FAM219A: variants seen among roughly 807,000 people sequenced by gnomAD.
FAM219A encodes protein FAM219A.
In FAM219A, 7 loss-of-function variants were observed where a neutral mutation model predicts 23.4. The observed-to-expected ratio is 0.30, with a 90% CI of 0.17 to 0.56. The LOEUF is 0.56. FAM219A is among the 20% of genes least tolerant of loss of function. The pLI is 0.92. For synonymous variants in FAM219A, 93 were observed against 99.0 expected (o/e 0.94, Z 0.36); for missense variants, 166 against 246.9 (o/e 0.67, Z 2.20).
chr9:34,416,302 G>GGAAGGAAC (rs1273044951), intron 1 of FAM219A, among the ~76,000 whole-genome samples: 1 of 116,150 alleles, frequency 8.6e-6, no homozygotes, highest in African/African-American at 2.7e-5. Flanking sequence ...AAGGAAGGAA[G>GGAAGGAAC]GAAGGAACGA....
chr9:34,434,925 T>G (rs1822847163), intron 1 of FAM219A, among the ~76,000 whole-genome samples: 2 of 152,174 alleles, frequency 1.3e-5, no homozygotes, highest in Admixed American at 6.6e-5. Flanking sequence ...GCTCAAGTGA[T>G]CCTCCTGCCT....
chr9:34,406,184 C>T, intron 1 of FAM219A: 1 of 690,930 alleles, frequency 1.4e-6, no homozygotes, highest in Non-Finnish European at 1.8e-6. Context: ...TCCATGTACA[C>T]CCAACTTGGT....
At chr9:34,444,377 T>G (rs1588071147) in intron 1 of FAM219A, among the ~76,000 whole-genome samples, 1 of 152,198 alleles carries the variant, frequency 6.6e-6, no homozygotes, top group Non-Finnish European at 1.5e-5. Flanking sequence ...CCCCAGAGAC[T>G]TTCTCCATTT....
intron 1 of FAM219A, among the ~76,000 whole-genome samples, chr9:34,453,208 GC>G (rs1285517326): frequency 6.6e-6 from 1 of 152,146 alleles, no homozygotes; most frequent in Non-Finnish European, 1.5e-5. Context: ...AACTTAAGGT[GC>G]CCAGAACATA....
intron 1 of FAM219A, among the ~76,000 whole-genome samples, chr9:34,416,713 G>C (rs995007054): frequency 6.7e-6 from 1 of 150,328 alleles, no homozygotes; most frequent in Non-Finnish European, 1.5e-5. Context: ...ACTTCAGCCT[G>C]GGCAACAAAG....
chr9:34,403,313 A>G lies in FAM219A; in HGVS notation c.161-506T>C, dbSNP rs79479910. ...TTATTCAGCCACTTATTCAACAAAT[A>G]TCCATGTCACTAATTATAAGTCTGG... On this transcript the variant is annotated intron_variant, in intron 2 of 5. Transcript: ENST00000651358. Among the ~76,000 whole-genome samples the G allele has an allele frequency of 4.1e-3, 624 of 152,356 alleles. 3 individuals carry two copies. The highest frequency in any genetic ancestry group is 0.014 in the African/African-American group (587 of 41,576).
At chr9:34,434,645 G>C (rs1476843218) in intron 1 of FAM219A, among the ~76,000 whole-genome samples, 1 of 152,184 alleles carries the variant, frequency 6.6e-6, no homozygotes, top group Non-Finnish European at 1.5e-5. Flanking sequence ...AGAAGCCAAA[G>C]AGAACCATCC....
intron 1 of FAM219A, among the ~76,000 whole-genome samples, chr9:34,412,732 G>C (rs954403059): frequency 7.9e-5 from 12 of 152,156 alleles, no homozygotes; most frequent in African/African-American, 2.4e-4. Context: ...GAGTTTCAAG[G>C]TGGAAGAAAT....
At chr9:34,412,444 G>A (rs770939164) in intron 1 of FAM219A, among the ~76,000 whole-genome samples, 6 of 152,312 alleles carry the variant, frequency 3.9e-5, no homozygotes, top group African/African-American at 1.4e-4. Flanking sequence ...AATCAGATGA[G>A]TTCATTTGGG....
In FAM219A at chr9:34,417,849, C is replaced by T. The variant is rs899907682; in HGVS notation, c.61-11885G>A. Among the ~76,000 whole-genome samples the T allele has an allele frequency of 2.6e-5, 4 of 152,112 alleles. No homozygotes were observed. Among genetic ancestry groups the T allele is most frequent in the African/African-American group, 9.7e-5 (4 of 41,422 alleles). Reference sequence around the variant, plus strand: ...CAAAATACTCCTGACTTGAGGCCACCAATTAAGAACAAAAGGAGGGAAGAC... The same window carrying T: ...CAAAATACTCCTGACTTGAGGCCACTAATTAAGAACAAAAGGAGGGAAGAC... On this transcript the variant is annotated intron_variant, in intron 1 of 5. Coordinates refer to ENST00000651358, the MANE Select transcript of FAM219A (RefSeq NM_001184940.2). This position sits in a 1 kb window ranked among gnomAD's most constrained non-coding sequence, Gnocchi z 4.1.
chr9:34,398,192 T>A lies in FAM219A; in HGVS notation c.*2772A>T. ...AGGGAGGGAGCTGAGGCTGGCTTGTTTGATGCTTTTAATATCATTATTTGT... is the reference window on the plus strand; with the variant it reads ...AGGGAGGGAGCTGAGGCTGGCTTGTATGATGCTTTTAATATCATTATTTGT... On this transcript the variant is annotated 3_prime_UTR_variant, in exon 6 of 6. Coordinates refer to ENST00000651358, the MANE Select transcript of FAM219A (RefSeq NM_001184940.2). 1 of 1,450,088 alleles carries A rather than the reference T, an allele frequency of 6.9e-7. No homozygotes were observed. The highest frequency in any genetic ancestry group is 1.2e-5 in the South Asian group (1 of 81,594). 89.8% of individuals were successfully genotyped at this position (1,450,088 alleles called of 1,614,324 possible).
Position 34,417,357 on chromosome 9 carries a change from T to C in FAM219A, c.61-11393A>G, listed in dbSNP as rs1285216736. Among the ~76,000 whole-genome samples the C allele has an allele frequency of 1.3e-5, 2 of 152,184 alleles. No homozygotes were observed. Among genetic ancestry groups the C allele is most frequent in the Admixed American group, 1.3e-4 (2 of 15,274 alleles). On this transcript the variant is annotated intron_variant, in intron 1 of 5. Coordinates refer to ENST00000651358, the MANE Select transcript of FAM219A (RefSeq NM_001184940.2). The surrounding 1 kb of genome is among the most constrained non-coding windows in gnomAD (Gnocchi z 4.1). Reference sequence around the variant, plus strand: ...CCACCATTCCCAGCCCCTAGCTTTATATTCTTACATAGTTTTTGTAACTAT... The same window carrying C: ...CCACCATTCCCAGCCCCTAGCTTTACATTCTTACATAGTTTTTGTAACTAT...
At position 34,400,731 on chromosome 9, in the gene FAM219A, C is replaced by T. The variant is rs1821387178; in HGVS notation, c.*233G>A. 4.7e-6 allele frequency: 2 copies of T among 426,234 alleles called. No individual in the cohort carries two copies. The highest frequency in any genetic ancestry group is 2.1e-5 in the African/African-American group (1 of 48,276). 26.4% of individuals were successfully genotyped at this position (426,234 alleles called of 1,614,324 possible). On this transcript the variant is annotated 3_prime_UTR_variant, in exon 6 of 6. Coordinates refer to ENST00000651358, the MANE Select transcript of FAM219A (RefSeq NM_001184940.2). ...CCCCAGGTAACTGAACAAACGGCCC[C>T]CACCCCTCCTCAGCTCCCGGGTGGA...
chr9:34,440,850 C>CA (rs556766532), intron 1 of FAM219A, among the ~76,000 whole-genome samples: 1,579 of 88,156 alleles, frequency 0.018, 12 homozygotes, highest in Non-Finnish European at 0.022. Context: ...GACTCGGTCT[C>CA]AAAAAAAAAA....
intron 1 of FAM219A, among the ~76,000 whole-genome samples, chr9:34,437,140 C>G (rs1184346032): frequency 6.6e-6 from 1 of 152,202 alleles, no homozygotes; most frequent in African/African-American, 2.4e-5. Context: ...ATTTCCGGGG[C>G]TCTATCTTTC....
At chr9:34,438,681 G>A (rs10972113) in intron 1 of FAM219A, among the ~76,000 whole-genome samples, 3,236 of 152,234 alleles carry the variant, frequency 0.021, 95 homozygotes, top group East Asian at 0.12. Flanking sequence ...TCAACACTGC[G>A]TATCTAGCTA....
At chr9:34,418,445 G>T (rs926388089) in intron 1 of FAM219A, among the ~76,000 whole-genome samples, 1 of 152,196 alleles carries the variant, frequency 6.6e-6, no homozygotes, top group Non-Finnish European at 1.5e-5. Flanking sequence ...TGGCTTGGGG[G>T]AAGCCTGTGC....
At chr9:34,446,653 T>C (rs975923114) in intron 1 of FAM219A, among the ~76,000 whole-genome samples, 1 of 152,234 alleles carries the variant, frequency 6.6e-6, no homozygotes, top group African/African-American at 2.4e-5. Flanking sequence ...AAGCTACAGA[T>C]AACATGAAGA....
chr9:34,438,653 G>C (rs566298044), intron 1 of FAM219A, among the ~76,000 whole-genome samples: 1 of 152,220 alleles, frequency 6.6e-6, no homozygotes, highest in South Asian at 2.1e-4. Context: ...TCTAGCTCAG[G>C]GTTTGTGAAT....
Sources: gnomAD v4.1 joint callset for allele counts (sites outside exome capture counted in the v4.1 genomes callset) on GRCh38, gnomAD v4.1.1 for gene constraint, Gnocchi (gnomAD v3.1) non-coding constraint, MANE v1.5 for transcripts, NCBI Gene and HGNC (gene_info 2026-07-23, HGNC 2026-07-21) for gene names.